The following MAP4K3 variants were observed in gnomAD, a reference collection of about 807,000 sequenced individuals.
MAP4K3 encodes MAPK/ERK kinase kinase kinase 3.
Under a neutral mutation model 143.5 loss-of-function variants are expected in MAP4K3, and 94 were observed. The ratio of observed to expected loss-of-function variants is 0.65; its 90% CI spans 0.55 to 0.78. MAP4K3 has a LOEUF of 0.78. Ranked by LOEUF, MAP4K3 falls within the 30% of genes least tolerant of loss-of-function variation. The pLI is 0.00. For synonymous variants in MAP4K3, 416 were observed against 347.2 expected (o/e 1.20, Z -2.20); for missense variants, 1,077 against 1,068.1 (o/e 1.01, Z -0.12).
intron 3 of MAP4K3, among the ~76,000 whole-genome samples, chr2:39,347,821 TTCTTA>T (rs905133687): frequency 6.6e-6 from 1 of 152,038 alleles, no homozygotes; most frequent in Non-Finnish European, 1.5e-5. Flanking sequence ...CACAACTTCT[TTCTTA>T]TAAGTGGTCA....
intron 3 of MAP4K3, among the ~76,000 whole-genome samples, chr2:39,347,804 T>C (rs918490060): frequency 6.6e-6 from 1 of 152,122 alleles, no homozygotes; most frequent in African/African-American, 2.4e-5. Context: ...ACTAAAGTCA[T>C]GTTAATCACA....
intron 2 of MAP4K3, among the ~76,000 whole-genome samples, chr2:39,373,758 T>A (rs1006403888): frequency 9.9e-5 from 15 of 152,038 alleles, no homozygotes; most frequent in African/African-American, 3.6e-4. Context: ...CTTAAGGAGA[T>A]AGAGAGTAGA....
intron 33 of MAP4K3, 35 bp downstream of exon 33, chr2:39,251,795 T>A: frequency 6.4e-7 from 1 of 1,550,868 alleles, no homozygotes; most frequent in Non-Finnish European, 8.9e-7. Flanking sequence ...AAAACACGTT[T>A]AGTACTGTGT....
chr2:39,256,887 T>G (rs954451050), intron 31 of MAP4K3, among the ~76,000 whole-genome samples: 1 of 152,192 alleles, frequency 6.6e-6, no homozygotes, highest in African/African-American at 2.4e-5. Context: ...TGGGATACTT[T>G]TGTAACTGGA....
intron 19 of MAP4K3, among the ~76,000 whole-genome samples, 162 bp downstream of exon 19, chr2:39,290,108 GAACACTAAATATAAGTTGGGCA>G (rs1681976111): frequency 9.1e-6 from 1 of 110,198 alleles, no homozygotes; most frequent in African/African-American, 4.0e-5. Flanking sequence ...AAAAAAAAAA[GAACACTAAATATAAGTTGGGCA>G]TTATAAAATG....
At chr2:39,426,398 T>A (rs780058705) in intron 1 of MAP4K3, among the ~76,000 whole-genome samples, 2 of 152,164 alleles carry the variant, frequency 1.3e-5, no homozygotes, top group Non-Finnish European at 2.9e-5. Flanking sequence ...CTGGGACTCC[T>A]GAAATTTCAA....
At chr2:39,332,254 A>G (rs1683707710) in intron 7 of MAP4K3, among the ~76,000 whole-genome samples, 1 of 152,100 alleles carries the variant, frequency 6.6e-6, no homozygotes, top group Admixed American at 6.6e-5. Context: ...AATAATTTTG[A>G]AGAGAAAGTG....
intron 1 of MAP4K3, among the ~76,000 whole-genome samples, chr2:39,417,403 T>A (rs1667413592): frequency 6.6e-6 from 1 of 152,132 alleles, no homozygotes; most frequent in African/African-American, 2.4e-5. Flanking sequence ...GTATTTTTAG[T>A]AGAGACGTGG....
At chr2:39,279,306 T>G (rs143868235) in intron 23 of MAP4K3, among the ~76,000 whole-genome samples, 2 of 152,270 alleles carry the variant, frequency 1.3e-5, no homozygotes, top group East Asian at 3.9e-4. Context: ...TGGCATAAGA[T>G]TTGTGGTCAG....
intron 2 of MAP4K3, among the ~76,000 whole-genome samples, chr2:39,363,756 T>C (rs1234842275): frequency 6.6e-6 from 1 of 151,414 alleles, no homozygotes; most frequent in Non-Finnish European, 1.5e-5. Flanking sequence ...AACATACATA[T>C]GCATCAGAAT....
intron 9 of MAP4K3, 60 bp from the exon 10 acceptor site, chr2:39,326,021 C>G: frequency 6.7e-7 from 1 of 1,498,910 alleles, no homozygotes; most frequent in Non-Finnish European, 9.2e-7. Flanking sequence ...ATCTATTACA[C>G]AAATTCTATT....
intron 18 of MAP4K3, 144 bp from the exon 19 acceptor site, chr2:39,290,478 T>C: frequency 1.7e-6 from 1 of 587,976 alleles, no homozygotes; most frequent in Non-Finnish European, 3.0e-6. Context: ...CTAAAGTATT[T>C]TGTGAAATGT....
At chr2:39,338,814 C>T (rs1170933043) in intron 4 of MAP4K3, among the ~76,000 whole-genome samples, 1 of 152,184 alleles carries the variant, frequency 6.6e-6, no homozygotes, top group Non-Finnish European at 1.5e-5. Context: ...TCCATCTCTT[C>T]TGCCATGTGA....
chr2:39,344,870 T>C lies in MAP4K3; in HGVS notation c.246-1418A>G, dbSNP rs111303407. ...GAGACTGTGGGTGATTTAGTGGGAG[T>C]TGAAGAAAGACTGCCTGAAGAGACA... On this transcript the variant is annotated intron_variant, in intron 3 of 33. Coordinates refer to ENST00000263881, the MANE Select transcript of MAP4K3 (RefSeq NM_003618.4). Among the ~76,000 whole-genome samples, 7 of 151,950 alleles carry C rather than the reference T, an allele frequency of 4.6e-5. 1 individual carries two copies. The South Asian group carries it at 1.3e-3, about 27-fold the overall frequency.
At chr2:39,276,707 T>C (rs1041264359) in intron 24 of MAP4K3, among the ~76,000 whole-genome samples, 12 of 152,250 alleles carry the variant, frequency 7.9e-5, no homozygotes, top group African/African-American at 2.9e-4. Flanking sequence ...GTAAGCTTTA[T>C]GTAAGTATTA....
intron 1 of MAP4K3, among the ~76,000 whole-genome samples, chr2:39,403,193 G>A (rs976542247): frequency 6.6e-6 from 1 of 152,074 alleles, no homozygotes; most frequent in African/African-American, 2.4e-5. Flanking sequence ...GAGCAAGAGG[G>A]CCGAACAGGA....
At chr2:39,424,147 T>C (rs1437477045) in intron 1 of MAP4K3, among the ~76,000 whole-genome samples, 6 of 152,186 alleles carry the variant, frequency 3.9e-5, no homozygotes. Context: ...TTTCACCATG[T>C]TGGCCAGGCT....
intron 1 of MAP4K3, among the ~76,000 whole-genome samples, chr2:39,432,693 A>ACCTTATTAAATTATG (rs974606124): frequency 6.6e-6 from 1 of 152,236 alleles, no homozygotes; most frequent in Non-Finnish European, 1.5e-5. Context: ...ATTAAATAGA[A>ACCTTATTAAATTATG]CACCTTGAAA....
chr2:39,316,219 T>C (rs923908996), intron 12 of MAP4K3, among the ~76,000 whole-genome samples: 1 of 152,130 alleles, frequency 6.6e-6, no homozygotes, highest in African/African-American at 2.4e-5. Flanking sequence ...ACTAATTAAA[T>C]GTGATCACAA....
Sources: allele counts gnomAD v4.1 joint callset (sites outside exome capture counted in the v4.1 genomes callset), GRCh38; gene constraint gnomAD v4.1.1; transcripts MANE v1.5; gene names NCBI Gene and HGNC (gene_info 2026-07-23, HGNC 2026-07-21).